Variants in ARPC3 observed in about 807,000 individuals in gnomAD.
ARPC3 encodes the protein actin-related protein 2/3 complex subunit 3.
Under a neutral mutation model 27.6 loss-of-function variants are expected in ARPC3, and 12 were observed. The ratio of observed to expected loss-of-function variants is 0.43; its 90% CI spans 0.28 to 0.70. ARPC3 has a LOEUF of 0.70. Among genes scored for constraint, ARPC3 ranks in the 30% least tolerant of loss-of-function variants. The pLI is 0.17. For missense variants in ARPC3, 153 were observed against 207.7 expected (o/e 0.74, Z 1.62); for synonymous variants, 53 against 67.2 (o/e 0.79, Z 1.03).
At chr12:110,438,764 C>T (rs1325047637) in intron 3 of ARPC3, among the ~76,000 whole-genome samples, 1 of 150,712 alleles carries the variant, frequency 6.6e-6, no homozygotes, top group African/African-American at 2.4e-5. Context: ...CTGCCTCAGC[C>T]TCCCAAGTAG....
intron 4 of ARPC3, 132 bp downstream of exon 4, chr12:110,436,952 A>T: frequency 2.6e-6 from 2 of 764,650 alleles, no homozygotes; most frequent in Admixed American, 2.1e-5. Flanking sequence ...TTTTTCTCTT[A>T]AGTCCATGCT....
At position 110,434,944 on chromosome 12, in the gene ARPC3, C is replaced by T. The variant is rs1220365599; in HGVS notation, c.*211G>A. 4.3e-5 allele frequency: 30 copies of T among 705,054 alleles called. No individual in the cohort carries two copies. In the East Asian group the frequency reaches 6.0e-4, roughly 14 times the overall value. The allele number at this position is 705,054 out of a possible 1,614,324, so 43.7% of individuals were successfully genotyped here. A position where few individuals can be genotyped will look rare whatever the true frequency, so the allele number is the denominator to read the frequency against. On this transcript the variant is annotated 3_prime_UTR_variant, in exon 7 of 7. Transcript: ENST00000228825. ...TTTATTATTACTTATTCTTATTAAGCGCCAGCTTTAATGCTGCAGAAAATT... is the reference window on the plus strand; with the variant it reads ...TTTATTATTACTTATTCTTATTAAGTGCCAGCTTTAATGCTGCAGAAAATT...
intron 1 of ARPC3, among the ~76,000 whole-genome samples, chr12:110,447,490 AT>A (rs2062471454): frequency 6.6e-6 from 1 of 152,084 alleles, no homozygotes; most frequent in Non-Finnish European, 1.5e-5. Flanking sequence ...TAATCACAGG[AT>A]GGGATGGGCG....
chr12:110,443,839 C>T (rs1405573576), intron 2 of ARPC3, among the ~76,000 whole-genome samples: 1 of 152,108 alleles, frequency 6.6e-6, no homozygotes, highest in Non-Finnish European at 1.5e-5. Flanking sequence ...GGGCAAAGGC[C>T]AAAGGATTCT....
intron 4 of ARPC3, 24 bp from the exon 5 acceptor site, chr12:110,436,707 TATATACACAC>T (rs775899825): frequency 1.1e-3 from 942 of 820,618 alleles, no homozygotes; most frequent in Admixed American, 3.7e-3. Context: ...TATATATATA[TATATACACAC>T]ACACACACAC....
rs1020185995 is a variant in ARPC3, at chr12:110,440,215, A to G, written c.183+97T>C. On this transcript the variant is annotated intron_variant, in intron 3 of 6. Transcript: ENST00000228825. ...TCTCGAATTTAAAAATTACATGCTG[A>G]TTTCATTTTATTTTCTCCTCACAGC... 10 of 829,414 alleles carry G rather than the reference A, an allele frequency of 1.2e-5. 1 individual carries two copies. Among genetic ancestry groups the G allele is most frequent in the Non-Finnish European group, 2.0e-5 (10 of 491,892 alleles). 51.4% of individuals were successfully genotyped at this position (829,414 alleles called of 1,614,324 possible).
intron 6 of ARPC3, 84 bp downstream of exon 6, chr12:110,436,026 G>C (rs1280162897): frequency 9.6e-7 from 1 of 1,038,460 alleles, no homozygotes; most frequent in Non-Finnish European, 1.5e-6. Context: ...AAATATTCTT[G>C]CAATGGAAGA....
chr12:110,445,583 G>T, intron 1 of ARPC3, 32 bp from the exon 2 acceptor site: 2 of 1,490,454 alleles, frequency 1.3e-6, no homozygotes, highest in Non-Finnish European at 1.9e-6. Context: ...GAACACAGAA[G>T]CAGAAAAAGA....
At position 110,436,130 on chromosome 12, in the gene ARPC3, G is replaced by T. The variant is rs2062402579; in HGVS notation, c.454C>A (p.Gln152Lys). 1 of 1,613,368 alleles carries T rather than the reference G, an allele frequency of 6.2e-7. No individual in the cohort carries two copies. The highest frequency in any genetic ancestry group is 2.2e-5 in the East Asian group (1 of 44,870). ...LRLCEKVFDPQNDKPSKWWTC... is the reference protein window; with the variant it reads ...LRLCEKVFDPKNDKPSKWWTC... ...CTTACCTTGCTGGGTTTATCATTCT[G>T]AGGGTCGAAAACTTTCTCACAAAGT... The change falls in exon 6 of 7, where the codon CAG becomes AAG. Residue 152 changes from glutamine (Q) to lysine (K), a missense_variant. By Grantham distance (53) the Gln-to-Lys change is moderately conservative. Coordinates refer to ENST00000228825, the MANE Select transcript of ARPC3 (RefSeq NM_001278556.2).
At position 110,440,387 on chromosome 12, in the gene ARPC3, T is replaced by G. The variant is rs1307929226; in HGVS notation, c.108A>C (p.Thr36=). Residue 36 remains threonine (T), a splice_region_variant and synonymous_variant, in exon 3 of 7, where the codon ACA becomes ACC. Coordinates refer to ENST00000228825, the MANE Select transcript of ARPC3 (RefSeq NM_001278556.2). ...CTTCATCCACAATATCTGTATCTTT[T>G]GCTAAGCAGGACACAAGGGAAGGAG... The part of the protein sequence containing the change: ...SQFKGPAPRE[T]KDTDIVDEAI... The G allele has an allele frequency of 1.9e-6, 3 of 1,606,940 alleles. No individual in the cohort carries two copies. The African/African-American group carries it at 4.0e-5, about 22-fold the overall frequency.
intron 4 of ARPC3, 22 bp from the exon 5 acceptor site, chr12:110,436,705 TATATATACACACACACACACAC>T (rs2062406932): frequency 1.1e-6 from 1 of 920,682 alleles, no homozygotes. Context: ...AATATATATA[TATATATACACACACACACACAC>T]ACACACACAC....
intron 3 of ARPC3, among the ~76,000 whole-genome samples, chr12:110,438,659 T>A (rs977616138): frequency 6.6e-6 from 1 of 151,410 alleles, no homozygotes; most frequent in African/African-American, 2.4e-5. Context: ...ATATTTTTTT[T>A]TTTTTGAGTG....
intron 1 of ARPC3, among the ~76,000 whole-genome samples, chr12:110,449,891 G>C (rs1236968930): frequency 6.6e-6 from 1 of 152,152 alleles, no homozygotes; most frequent in African/African-American, 2.4e-5. Context: ...GGGCCTGACA[G>C]AAAAAGGAGA....
chr12:110,437,071 C>G lies in ARPC3; in HGVS notation c.252+13G>C. On this transcript the variant is annotated intron_variant, in intron 4 of 6. Transcript: ENST00000228825. ...TTTGTTTTCCTGATATACAATCATC[C>G]AAGTTTAATTACCTTTTGCAGTTTC... 2.6e-6 allele frequency: 4 copies of G among 1,557,440 alleles called. No homozygotes were observed. The highest frequency in any genetic ancestry group is 3.5e-6 in the Non-Finnish European group (4 of 1,128,682).
chr12:110,440,863 GAC>G (rs567725145), intron 2 of ARPC3, among the ~76,000 whole-genome samples: 1,493 of 134,006 alleles, frequency 0.011, 14 homozygotes, highest in South Asian at 0.036. Context: ...TTTTTTTTGA[GAC>G]AGAGTTTCAC....
chr12:110,439,476 C>T (rs1413098817), intron 3 of ARPC3, among the ~76,000 whole-genome samples: 1 of 152,032 alleles, frequency 6.6e-6, no homozygotes, highest in Non-Finnish European at 1.5e-5. Flanking sequence ...CAAGAGTCTA[C>T]AAATAAATAA....
At chr12:110,447,802 C>T (rs2062473933) in intron 1 of ARPC3, among the ~76,000 whole-genome samples, 1 of 151,548 alleles carries the variant, frequency 6.6e-6, no homozygotes, top group Admixed American at 6.6e-5. Flanking sequence ...ACCCCTCCCC[C>T]CAAAAAAACA....
chr12:110,440,027 T>C (rs765729675), intron 3 of ARPC3, among the ~76,000 whole-genome samples: 34 of 152,070 alleles, frequency 2.2e-4, no homozygotes, highest in Non-Finnish European at 2.2e-4. Flanking sequence ...ATAGATAATA[T>C]AGAAACAAAT....
At position 110,440,271 on chromosome 12, in the gene ARPC3, A is replaced by G. The variant is rs768161452; in HGVS notation, c.183+41T>C. On this transcript the variant is annotated intron_variant, in intron 3 of 6. Transcript: ENST00000228825. ...GGATAGCAAGGTTGGTATTATCCCT[A>G]TGAGAAAACTAAGTTAAATATTAAA... The G allele has an allele frequency of 2.9e-6, 4 of 1,373,194 alleles. No individual in the cohort carries two copies. The African/African-American group carries it at 5.7e-5, about 20-fold the overall frequency. The allele number at this position is 1,373,194 out of a possible 1,614,324, so 85.1% of individuals were successfully genotyped here.
Sources: gnomAD v4.1 joint callset for allele counts (sites outside exome capture counted in the v4.1 genomes callset) on GRCh38, gnomAD v4.1.1 for gene constraint, MANE v1.5 for transcripts, NCBI Gene and HGNC (gene_info 2026-07-23, HGNC 2026-07-21) for gene names.